ADAP1: variants seen among roughly 807,000 people sequenced by gnomAD.
ADAP1 encodes the protein arf-GAP with dual PH domain-containing protein 1.
In ADAP1, 31 loss-of-function variants were observed where a neutral mutation model predicts 54.9. That is an observed-to-expected ratio of 0.56 (90% CI 0.42 to 0.76). The LOEUF is 0.76. Ranked by LOEUF, ADAP1 falls within the 30% of genes least tolerant of loss-of-function variation. The probability of loss-of-function intolerance (pLI) is 0.00; values close to 1 mark genes in which losing one functional copy is unlikely to be tolerated. For synonymous variants in ADAP1, 313 were observed against 202.6 expected, an observed-to-expected ratio of 1.55 and a Z score of -4.63; for missense variants, 535 against 512.4, an observed-to-expected ratio of 1.04 and a Z score of -0.42.
chr7:942,049 G>A (rs571433650), intron 1 of ADAP1, among the ~76,000 whole-genome samples: 19 of 152,272 alleles, frequency 1.2e-4, no homozygotes, highest in South Asian at 1.2e-3. Flanking sequence ...TGGAGAGAGC[G>A]AACAATCTTT....
At chr7:901,093 T>C (rs957334618) in intron 6 of ADAP1, 3 of 463,706 alleles carry the variant, frequency 6.5e-6, no homozygotes, top group Non-Finnish European at 1.3e-5. Context: ...CTGTGGCCCC[T>C]ACCGAGAGTG....
chr7:900,980 T>C (rs1440776659), intron 6 of ADAP1: 1 of 513,370 alleles, frequency 1.9e-6, no homozygotes, highest in Non-Finnish European at 3.9e-6. Flanking sequence ...CTTGCCTTCC[T>C]TTCAGATGGT....
chr7:905,560 A>AGAAGGGAGAAGGGAGAAAGG (rs1562912269), intron 4 of ADAP1: 3 of 9,266 alleles, frequency 3.2e-4, no homozygotes, highest in African/African-American at 1.0e-3. Flanking sequence ...GGGAGAAAGG[A>AGAAGGGAGAAGGGAGAAAGG]GAAAGGAGAA....
rs966727601 is a variant in ADAP1, at chr7:954,523, G to C, written c.-46C>G. 3.0e-6 allele frequency: 3 copies of C among 1,002,834 alleles called. No homozygotes were observed. The highest frequency in any genetic ancestry group is 3.5e-5 in the African/African-American group (2 of 57,080). 62.1% of individuals were successfully genotyped at this position (1,002,834 alleles called of 1,614,324 possible). On this transcript the variant is annotated 5_prime_UTR_variant, in exon 1 of 11. Coordinates refer to ENST00000265846, the MANE Select transcript of ADAP1 (RefSeq NM_006869.4). ...GCCGATGCCGGGGCCGGGGCCGGGA[G>C]CGTCAGCCCGGCTCGCTAGGGCCCC... is the stretch of plus-strand genomic sequence containing the variant.
intron 4 of ADAP1, among the ~76,000 whole-genome samples, chr7:915,771 T>C (rs921572176): frequency 1.3e-5 from 2 of 152,110 alleles, no homozygotes; most frequent in African/African-American, 4.8e-5. Flanking sequence ...CTCCTGGCCC[T>C]GAGCCCAATG....
At position 898,051 on chromosome 7, in the gene ADAP1, C is replaced by T. The variant is rs1050208412; in HGVS notation, c.*870G>A. ...GCAAGGCTGGGAGAGGGCTGGGCCC[C>T]CCAGGTGACCTGCAGACGCCTCCCC... On this transcript the variant is annotated 3_prime_UTR_variant, in exon 11 of 11. Transcript: ENST00000265846. 3.9e-5 allele frequency: 6 copies of T among 152,298 alleles called. No homozygotes were observed. Among genetic ancestry groups the T allele is most frequent in the African/African-American group, 9.6e-5 (4 of 41,456 alleles). The allele number at this position is 152,298 out of a possible 1,614,324, so 9.4% of individuals were successfully genotyped here. A position where few individuals can be genotyped will look rare whatever the true frequency, so the allele number is the denominator to read the frequency against.
chr7:906,393 AGGAGAAAGGGAAAGGAGAAAG>A (rs1845331464), intron 4 of ADAP1, among the ~76,000 whole-genome samples: 4 of 76,726 alleles, frequency 5.2e-5, no homozygotes, highest in African/African-American at 7.8e-5. Context: ...GAAAGGAGAA[AGGAGAAAGGGAAAGGAGAAAG>A]GGAGAAAGGG....
At chr7:914,967 A>C (rs1583152120) in intron 4 of ADAP1, among the ~76,000 whole-genome samples, 1 of 151,142 alleles carries the variant, frequency 6.6e-6, no homozygotes, top group East Asian at 2.0e-4. Context: ...GGGCCATACG[A>C]CTCAGCACCT....
In ADAP1 at chr7:920,891, C is replaced by G. The variant is rs780496220; in HGVS notation, c.306-841G>C. 3 of 1,549,226 alleles carry G rather than the reference C, an allele frequency of 1.9e-6. No homozygotes were observed. Among genetic ancestry groups the G allele is most frequent in the Non-Finnish European group, 2.6e-6 (3 of 1,146,296 alleles). On this transcript the variant is annotated intron_variant, in intron 3 of 10. Coordinates refer to ENST00000265846, the MANE Select transcript of ADAP1 (RefSeq NM_006869.4). This position sits in a 1 kb window ranked among gnomAD's most constrained non-coding sequence, Gnocchi z 4.5. ...CCTTTTCCACTCCCAGGGAATTACG[C>G]GGCAAAGAACAAATAGGAACCCTGT...
chr7:927,025 G>A (rs1846414919), intron 2 of ADAP1: 1 of 1,259,556 alleles, frequency 7.9e-7, no homozygotes, highest in Non-Finnish European at 1.0e-6. Context: ...GAGAGCGAGG[G>A]CTTCCTCGTT....
chr7:914,367 G>A (rs542966966), intron 4 of ADAP1, among the ~76,000 whole-genome samples: 2 of 152,322 alleles, frequency 1.3e-5, no homozygotes, highest in East Asian at 3.9e-4. Context: ...GTGATAAAGG[G>A]CTCTGGTGGC....
chr7:911,231 C>CA (rs1845709396), intron 4 of ADAP1, among the ~76,000 whole-genome samples: 1 of 152,160 alleles, frequency 6.6e-6, no homozygotes, highest in South Asian at 2.1e-4. Flanking sequence ...CTCCTGGGGT[C>CA]AGCTCTCACC....
intron 5 of ADAP1, 74 bp downstream of exon 5, chr7:904,986 C>T (rs1845031466): frequency 1.5e-6 from 2 of 1,357,450 alleles, no homozygotes; most frequent in African/African-American, 1.4e-5. Flanking sequence ...GACGCGGCCA[C>T]CACAGGCCCC....
chr7:954,643 G>A lies in ADAP1; in HGVS notation c.-166C>T. ...TTCCCGCCGCCCTCTGGGCTCCGCCGCCGCCGCTCGTGTCTCCGCCGCGGT... is the reference window on the plus strand; with the variant it reads ...TTCCCGCCGCCCTCTGGGCTCCGCCACCGCCGCTCGTGTCTCCGCCGCGGT... On this transcript the variant is annotated 5_prime_UTR_variant, in exon 1 of 11. Coordinates refer to ENST00000265846, the MANE Select transcript of ADAP1 (RefSeq NM_006869.4). 2 of 982,772 alleles carry A rather than the reference G, an allele frequency of 2.0e-6. No individual in the cohort carries two copies. The highest frequency in any genetic ancestry group is 2.4e-6 in the Non-Finnish European group (2 of 829,402). 60.9% of individuals were successfully genotyped at this position (982,772 alleles called of 1,614,324 possible). A position where few individuals can be genotyped will look rare whatever the true frequency, so the allele number is the denominator to read the frequency against.
At chr7:899,618 TGCCGCTGGCCACGCCCCACGAG>T (rs1844683768) in intron 8 of ADAP1, 128 bp from the exon 9 acceptor site, 4 of 1,085,098 alleles carry the variant, frequency 3.7e-6, no homozygotes, top group Non-Finnish European at 5.2e-6. Flanking sequence ...CACTCACGCC[TGCCGCTGGCCACGCCCCACGAG>T]GCCTCCGCAC....
intron 4 of ADAP1, among the ~76,000 whole-genome samples, chr7:910,011 G>C (rs1027955867): frequency 2.0e-5 from 3 of 152,336 alleles, no homozygotes; most frequent in Middle Eastern, 3.4e-3. Context: ...ACGGCTAAGA[G>C]CAGGAAAGAC....
At chr7:899,983 G>C (rs1163608148) in intron 8 of ADAP1, 119 bp downstream of exon 8, 11 of 1,225,152 alleles carry the variant, frequency 9.0e-6, no homozygotes, top group African/African-American at 1.5e-5. Flanking sequence ...GGGGCTGTGA[G>C]GACCCACCAG....
At chr7:930,125 A>AC (rs1554276354) in intron 2 of ADAP1, among the ~76,000 whole-genome samples, 7,517 of 134,742 alleles carry the variant, frequency 0.056, 719 homozygotes, top group Middle Eastern at 0.13. Context: ...AAAAAAAAAA[A>AC]AACCCTCAGG....
intron 1 of ADAP1, among the ~76,000 whole-genome samples, chr7:953,356 C>T (rs1308010932): frequency 2.0e-5 from 3 of 152,228 alleles, no homozygotes; most frequent in Non-Finnish European, 4.4e-5. Flanking sequence ...GGACAGCAGC[C>T]ACCACGACCT....
Sources: allele counts gnomAD v4.1 joint callset (sites outside exome capture counted in the v4.1 genomes callset), GRCh38; gene constraint gnomAD v4.1.1; non-coding constraint Gnocchi (gnomAD v3.1); transcripts MANE v1.5; gene names NCBI Gene and HGNC (gene_info 2026-07-23, HGNC 2026-07-21).